The following GTF2H1 variants were observed in gnomAD, a reference collection of about 807,000 sequenced individuals.
The protein encoded by GTF2H1 is general transcription factor IIH subunit 1, also known as BTF2 p62.
Under a neutral mutation model 71.2 loss-of-function variants are expected in GTF2H1, and 16 were observed. The ratio of observed to expected loss-of-function variants is 0.22; its 90% CI spans 0.15 to 0.34. GTF2H1 has a LOEUF of 0.34. GTF2H1 is among the 10% of genes least tolerant of loss of function. The probability of loss-of-function intolerance (pLI) is 1.00; values close to 1 mark genes in which losing one functional copy is unlikely to be tolerated. For missense variants in GTF2H1, 498 were observed against 648.2 expected (o/e 0.77, Z 2.52); for synonymous variants, 215 against 219.0 (o/e 0.98, Z 0.16).
At chr11:18,333,025 A>T in intron 1 of GTF2H1, 35 bp from the exon 2 acceptor site, 1 of 1,490,286 alleles carries the variant, frequency 6.7e-7, no homozygotes, top group Non-Finnish European at 9.1e-7. Flanking sequence ...GATGTGTGGA[A>T]TAGTTTTTTT....
intron 11 of GTF2H1, among the ~76,000 whole-genome samples, chr11:18,353,384 C>T (rs1042827999): frequency 6.6e-6 from 1 of 152,226 alleles, no homozygotes; most frequent in Non-Finnish European, 1.5e-5. Context: ...CTACTCGAGT[C>T]TCATCTTCAG....
intron 2 of GTF2H1, among the ~76,000 whole-genome samples, chr11:18,335,544 A>C (rs1047519894): frequency 5.3e-5 from 8 of 152,212 alleles, no homozygotes; most frequent in African/African-American, 1.9e-4. Context: ...AGAGTACCAA[A>C]GAAGGAAGCA....
chr11:18,324,678 C>T (rs1316312487), intron 1 of GTF2H1, among the ~76,000 whole-genome samples: 1 of 152,212 alleles, frequency 6.6e-6, no homozygotes, highest in Non-Finnish European at 1.5e-5. Context: ...TTGTGCCCTT[C>T]CTTTCTCTTT....
intron 2 of GTF2H1, among the ~76,000 whole-genome samples, chr11:18,333,781 T>A (rs1864957569): frequency 6.6e-6 from 1 of 152,174 alleles, no homozygotes; most frequent in Admixed American, 6.5e-5. Flanking sequence ...TGCACCACCA[T>A]GCTTGGCCAG....
At chr11:18,342,252 CTTTTTTTTTTTTT>C (rs71047585) in intron 7 of GTF2H1, among the ~76,000 whole-genome samples, 2 of 72,722 alleles carry the variant, frequency 2.8e-5, no homozygotes, top group African/African-American at 5.1e-5. Context: ...TTTTCTGTCT[CTTTTTTTTTTTTT>C]TTTTTTTTTT....
At chr11:18,334,474 G>A (rs1162350633) in intron 2 of GTF2H1, among the ~76,000 whole-genome samples, 1 of 152,160 alleles carries the variant, frequency 6.6e-6, no homozygotes, top group Non-Finnish European at 1.5e-5. Context: ...TTATAAATTA[G>A]CAGTATTAGC....
chr11:18,327,479 C>G (rs1030815594), intron 1 of GTF2H1, among the ~76,000 whole-genome samples: 5 of 152,200 alleles, frequency 3.3e-5, no homozygotes, highest in Non-Finnish European at 7.3e-5. Context: ...CTTGATTTCT[C>G]AGACCCAGTT....
At chr11:18,352,999 G>C (rs553855833) in intron 11 of GTF2H1, among the ~76,000 whole-genome samples, 3 of 152,216 alleles carry the variant, frequency 2.0e-5, no homozygotes, top group Non-Finnish European at 4.4e-5. Flanking sequence ...GCCGAGGTGG[G>C]TGGATCACGT....
In GTF2H1 at chr11:18,339,597, G is replaced by T; in HGVS notation, c.547G>T (p.Gly183Cys). The change falls in exon 5 of 15, where the codon GGT becomes TGT. Residue 183 changes from glycine (G) to cysteine (C), a missense_variant. Coordinates refer to ENST00000265963, the MANE Select transcript of GTF2H1 (RefSeq NM_005316.4). ...DVRPQTDGCN[G>C]LRYNLTSDII... Reference sequence around the variant, plus strand: ...CCGGCCCCAAACTGATGGCTGTAACGGTCTAAGATATAATTTAACTTCTGA... The same window carrying T: ...CCGGCCCCAAACTGATGGCTGTAACTGTCTAAGATATAATTTAACTTCTGA... 2 of 1,613,510 alleles carry T rather than the reference G, an allele frequency of 1.2e-6. No individual in the cohort carries two copies. Among genetic ancestry groups the T allele is most frequent in the Non-Finnish European group, 1.7e-6 (2 of 1,179,524 alleles).
intron 11 of GTF2H1, among the ~76,000 whole-genome samples, chr11:18,355,196 G>T (rs1390975633): frequency 6.6e-6 from 1 of 150,726 alleles, no homozygotes; most frequent in Non-Finnish European, 1.5e-5. Flanking sequence ...AGGCTGGAGT[G>T]CAGTGGCATG....
chr11:18,332,372 C>G (rs189612639), intron 1 of GTF2H1, among the ~76,000 whole-genome samples: 1 of 152,158 alleles, frequency 6.6e-6, no homozygotes, highest in African/African-American at 2.4e-5. Flanking sequence ...ACACTCAAGC[C>G]TGGAGGATTT....
At chr11:18,361,170 A>G (rs954453160) in intron 14 of GTF2H1, among the ~76,000 whole-genome samples, 2 of 152,178 alleles carry the variant, frequency 1.3e-5, no homozygotes, top group Admixed American at 6.5e-5. Flanking sequence ...ATTCAGAAGT[A>G]TATAAAATAC....
intron 5 of GTF2H1, 94 bp from the exon 6 acceptor site, chr11:18,341,165 TGG>T: frequency 1.2e-6 from 1 of 847,784 alleles, no homozygotes; most frequent in East Asian, 2.6e-5. Context: ...GAGAGCTTTA[TGG>T]TCTAGATTTT....
chr11:18,343,354 T>A (rs1415220157), intron 7 of GTF2H1, among the ~76,000 whole-genome samples: 1 of 152,252 alleles, frequency 6.6e-6, no homozygotes, highest in Non-Finnish European at 1.5e-5. Flanking sequence ...TGTTGTTATC[T>A]GTATTTTTAG....
chr11:18,347,704 A>T lies in GTF2H1; in HGVS notation c.954A>T (p.Gly318=). The T allele has an allele frequency of 1.9e-6, 3 of 1,613,708 alleles. No homozygotes were observed. Among genetic ancestry groups the T allele is most frequent in the Non-Finnish European group, 2.5e-6 (3 of 1,179,852 alleles). The change falls in exon 8 of 15, where the codon GGA becomes GGT. Residue 318 remains glycine, a synonymous_variant. Coordinates refer to ENST00000265963, the MANE Select transcript of GTF2H1 (RefSeq NM_005316.4). Reference sequence around the variant, plus strand: ...ACAGTGCCATGGTCCTGGCAGCTGGACTCAGAAAACAGTTAAGTATAAATG... The same window carrying T: ...ACAGTGCCATGGTCCTGGCAGCTGGTCTCAGAAAACAGTTAAGTATAAATG... ...NHHSAMVLAA[G]LRKQEAQNEQ... is the part of the protein sequence containing the mutation.
rs764702964 is a variant in GTF2H1, at chr11:18,357,933, G to A, written c.1261-19G>A. 8.3e-5 allele frequency: 122 copies of A among 1,462,640 alleles called. No individual in the cohort carries two copies. Among genetic ancestry groups the A allele is most frequent in the Non-Finnish European group, 1.1e-4 (116 of 1,043,584 alleles). The allele number at this position is 1,462,640 out of a possible 1,614,324, so 90.6% of individuals were successfully genotyped here. Reference sequence around the variant, plus strand: ...AAAAGGGAGGAAAACCAGTTTTAATGCATCTTCATTTTTTTCAGGTTCTCT... The same window carrying A: ...AAAAGGGAGGAAAACCAGTTTTAATACATCTTCATTTTTTTCAGGTTCTCT... On this transcript the variant is annotated intron_variant, in intron 11 of 14. Transcript: ENST00000265963.
At chr11:18,352,273 A>G (rs1464074476) in intron 10 of GTF2H1, 56 bp from the exon 11 acceptor site, 1 of 807,072 alleles carries the variant, frequency 1.2e-6, no homozygotes, top group Middle Eastern at 2.3e-4. Flanking sequence ...TGCAAAGACA[A>G]ATGTTGAGCA....
At chr11:18,343,150 G>C (rs1865202067) in intron 7 of GTF2H1, among the ~76,000 whole-genome samples, 1 of 152,092 alleles carries the variant, frequency 6.6e-6, no homozygotes, top group East Asian at 1.9e-4. Context: ...TTGAACTCCT[G>C]ACCTCAGGTG....
At chr11:18,356,435 C>T (rs934824912) in intron 11 of GTF2H1, among the ~76,000 whole-genome samples, 5 of 151,824 alleles carry the variant, frequency 3.3e-5, no homozygotes, top group African/African-American at 1.2e-4. Flanking sequence ...GTCATTGTCC[C>T]TTCAGCAGAA....
Sources: gnomAD v4.1 joint callset for allele counts (sites outside exome capture counted in the v4.1 genomes callset) on GRCh38, gnomAD v4.1.1 for gene constraint, MANE v1.5 for transcripts, NCBI Gene and HGNC (gene_info 2026-07-23, HGNC 2026-07-21) for gene names.